The following DVL1 variants were observed in gnomAD, a reference collection of about 807,000 sequenced individuals.
The protein encoded by DVL1 is dishevelled segment polarity protein 1, also known as segment polarity protein dishevelled homolog DVL-1.
Under a neutral mutation model 65.0 loss-of-function variants are expected in DVL1, and 49 were observed. That is an observed-to-expected ratio of 0.75 (90% CI 0.60 to 0.96). The LOEUF (loss-of-function observed/expected upper bound fraction) is 0.96. DVL1 is among the 40% of genes least tolerant of loss of function. DVL1 has a pLI of 0.00. For missense variants in DVL1, 1,197 were observed against 1,045.4 expected, an observed-to-expected ratio of 1.15 and a Z score of -2.00; for synonymous variants, 608 against 433.9, an observed-to-expected ratio of 1.40 and a Z score of -4.99.
chr1:1,342,419 C>G lies in DVL1; in HGVS notation c.306G>C (p.Leu102=), dbSNP rs763325212. Residue 102 remains leucine, a synonymous_variant, in exon 3 of 15, where the codon CTG becomes CTC. Transcript: ENST00000378888. Reference sequence around the variant, plus strand: ...CGCCTGTCCGCTCAAGAGGCGGGGGCAGGTCTGTGTGGCTGTCCGTGCCCT... The same window carrying G: ...CGCCTGTCCGCTCAAGAGGCGGGGGGAGGTCTGTGTGGCTGTCCGTGCCCT... ...GSQGTDSHTD[L]PPPLERTGGI... 1 of 1,594,872 alleles carries G rather than the reference C, an allele frequency of 6.3e-7. No homozygotes were observed. The highest frequency in any genetic ancestry group is 8.5e-7 in the Non-Finnish European group (1 of 1,170,934).
In DVL1 at chr1:1,342,110, T is replaced by C. The variant is rs749925669; in HGVS notation, c.409A>G (p.Thr137Ala). 3 of 1,594,650 alleles carry C rather than the reference T, an allele frequency of 1.9e-6. No homozygotes were observed. Among genetic ancestry groups the C allele is most frequent in the Non-Finnish European group, 1.7e-6 (2 of 1,171,900 alleles). Residue 137 changes from threonine to alanine, a missense_variant, in exon 4 of 15, where the codon ACG (threonine) becomes GCG (alanine). By Grantham distance (58) the Thr-to-Ala change is moderately conservative. Coordinates refer to ENST00000378888, the MANE Select transcript of DVL1 (RefSeq NM_001330311.2). ...SRDGMDNETG[T>A]ESMVSHRRER... ...CGCCGGTGACTGACCATGGACTCCG[T>C]GCCTGTCTCGTTGTCCATCCCGTCA... is the stretch of plus-strand genomic sequence containing the variant.
At chr1:1,339,469 C>G (rs307366) in intron 10 of DVL1, 30 bp from the exon 11 acceptor site, 25 of 1,157,400 alleles carry the variant, frequency 2.2e-5, no homozygotes, top group Non-Finnish European at 3.0e-5. Flanking sequence ...CGATGACAGG[C>G]GGACAGATGG....
chr1:1,347,196 C>T (rs1014848062), intron 1 of DVL1, among the ~76,000 whole-genome samples: 7 of 152,092 alleles, frequency 4.6e-5, no homozygotes, highest in Admixed American at 1.3e-4. Flanking sequence ...ACAGCCCAGC[C>T]CAGCCCAGCC....
At chr1:1,337,868 G>A (rs1557663510) in intron 14 of DVL1, 109 bp downstream of exon 14, 2 of 844,888 alleles carry the variant, frequency 2.4e-6, no homozygotes, top group East Asian at 5.3e-5. Flanking sequence ...GGGTGGAGCT[G>A]GGGGTGGAGC....
At position 1,342,130 on chromosome 1, in the gene DVL1, C is replaced by T; in HGVS notation, c.389G>A (p.Gly130Glu). Residue 130 changes from glycine (G) to glutamate (E), a missense_variant, in exon 4 of 15, where the codon GGG becomes GAG. By Grantham distance (98) the Gly-to-Glu change is moderately conservative (BLOSUM62 -2). Coordinates refer to ENST00000378888, the MANE Select transcript of DVL1 (RefSeq NM_001330311.2). ...CTCCGTGCCTGTCTCGTTGTCCATC[C>T]CGTCACGGCTGCTGGCCACATTTGG... ...FHPNVASSRD[G>E]MDNETGTESM... The T allele has an allele frequency of 6.3e-7, 1 of 1,582,832 alleles. No homozygotes were observed. Among genetic ancestry groups the T allele is most frequent in the South Asian group, 1.2e-5 (1 of 86,688 alleles).
rs763691201 is a variant in DVL1, at chr1:1,338,661, G to A, written c.1208-8C>T. The A allele has an allele frequency of 1.2e-6, 2 of 1,607,080 alleles. No homozygotes were observed. The highest frequency in any genetic ancestry group is 2.2e-5 in the East Asian group (1 of 44,842). ...GCGGCGCCTCTTCCAGCTCTGCAAA[G>A]CACAGACAGCCCCGCTTCAGCCCCA... On this transcript the variant is annotated splice_region_variant and splice_polypyrimidine_tract_variant and intron_variant, in intron 11 of 14. Coordinates refer to ENST00000378888, the MANE Select transcript of DVL1 (RefSeq NM_001330311.2).
chr1:1,336,040 G>A lies in DVL1; in HGVS notation c.*102C>T, dbSNP rs181665524. ...GGTGGTCCAGCCTGCCCCCCACCCT[G>A]CCTCCCGTCCTGGCCCCCACGAAGG... is the stretch of plus-strand genomic sequence containing the variant. On this transcript the variant is annotated 3_prime_UTR_variant, in exon 15 of 15. Coordinates refer to ENST00000378888, the MANE Select transcript of DVL1 (RefSeq NM_001330311.2). 4.2e-3 allele frequency: 6,140 copies of A among 1,449,430 alleles called. 12 individuals are homozygous for A. The highest frequency in any genetic ancestry group is 5.2e-3 in the Non-Finnish European group (5,647 of 1,085,714). The allele number at this position is 1,449,430 out of a possible 1,614,324, so 89.8% of individuals were successfully genotyped here.
chr1:1,336,904 G>T, intron 14 of DVL1: 1 of 799,400 alleles, frequency 1.3e-6, no homozygotes, highest in Non-Finnish European at 1.5e-6. Context: ...CCAGGACCCT[G>T]GCCGACGGAT....
rs1213904561 is a variant in DVL1 at position 1,338,093 on chromosome 1, G to A, written c.1598C>T (p.Pro533Leu). The change falls in exon 14 of 15, where the codon CCT (proline) becomes CTT (leucine). Residue 533 changes from proline to leucine, a missense_variant. Physicochemically the swap from Pro to Leu is moderately conservative, Grantham distance 98. Coordinates refer to ENST00000378888, the MANE Select transcript of DVL1 (RefSeq NM_001330311.2). ...CTGGTAGGGGTAGCCCTGACCCAGA[G>A]GCCAGGGGGCAGCCGGGTGGGGCAG... The part of the protein sequence containing the change: ...APLPHPAAPW[P>L]LGQGYPYQYP... 6 of 1,610,248 alleles carry A rather than the reference G, an allele frequency of 3.7e-6. No homozygotes were observed. Among genetic ancestry groups the A allele is most frequent in the Middle Eastern group, 1.7e-4 (1 of 6,052 alleles).
intron 5 of DVL1, among the ~76,000 whole-genome samples, 173 bp downstream of exon 5, chr1:1,341,494 A>C (rs893402797): frequency 4.0e-5 from 6 of 151,794 alleles, no homozygotes; most frequent in Non-Finnish European, 8.8e-5. Flanking sequence ...CCTCATGTGG[A>C]ACACGTGCAC....
Position 1,340,474 on chromosome 1 carries a change from G to A in DVL1, c.635C>T (p.Ser212Leu). ...TTTGTGCTTCCGGATGAGTCTGGAT[G>A]AGGTGCTCTGCTCCGTGGAGCTGCT... ...RLSSSTEQSTSSRLIRKHKRR... is the reference protein window; with the variant it reads ...RLSSSTEQSTLSRLIRKHKRR... The change falls in exon 6 of 15, where the codon TCA (serine) becomes TTA (leucine). Residue 212 changes from serine to leucine, a missense_variant. Coordinates refer to ENST00000378888, the MANE Select transcript of DVL1 (RefSeq NM_001330311.2). 6.2e-7 allele frequency: 1 copy of A among 1,610,258 alleles called. No individual in the cohort carries two copies. The highest frequency in any genetic ancestry group is 1.1e-5 in the South Asian group (1 of 90,424).
intron 1 of DVL1, among the ~76,000 whole-genome samples, chr1:1,343,857 G>T (rs1643881253): frequency 6.6e-6 from 1 of 152,222 alleles, no homozygotes. Flanking sequence ...GGGCAGCAGG[G>T]GATGCGGAGC....
At chr1:1,342,616 G>A (rs540145493) in intron 2 of DVL1, 73 bp downstream of exon 2, 11 of 1,588,518 alleles carry the variant, frequency 6.9e-6, no homozygotes, top group Admixed American at 1.7e-5. Flanking sequence ...CACACCCACC[G>A]CCTCCCCCAG....
At position 1,339,400 on chromosome 1, in the gene DVL1, G is replaced by C; in HGVS notation, c.1094C>G (p.Ser365Cys). ...GGCTCCTGTCAGTGCCGCCGTGTGG[G>C]ACAGCCAGGCGGCGGGGTCGATGGG... is the stretch of plus-strand genomic sequence containing the variant. ...VRPIDPAAWL[S>C]HTAALTGALP... The change falls in exon 11 of 15, where the codon TCC becomes TGC. Residue 365 changes from serine (S) to cysteine (C), a missense_variant. Physicochemically the swap from Ser to Cys is moderately radical, Grantham distance 112. Coordinates refer to ENST00000378888, the MANE Select transcript of DVL1 (RefSeq NM_001330311.2). 3 of 1,548,860 alleles carry C rather than the reference G, an allele frequency of 1.9e-6. No individual in the cohort carries two copies. The highest frequency in any genetic ancestry group is 1.7e-6 in the Non-Finnish European group (2 of 1,146,640).
At chr1:1,337,588 A>C in intron 14 of DVL1, 2 of 392,756 alleles carry the variant, frequency 5.1e-6, no homozygotes, top group Non-Finnish European at 4.9e-6. Context: ...TCCTGCCTCT[A>C]CCATAGGAGA....
At chr1:1,338,229 T>TGGGCGCCC in intron 13 of DVL1, 40 bp downstream of exon 13, 2 of 1,522,352 alleles carry the variant, frequency 1.3e-6, no homozygotes, top group Non-Finnish European at 1.8e-6. Flanking sequence ...CCTCCGGCGT[T>TGGGCGCCC]CCCCTCCCCC....
At chr1:1,341,990 C>G in intron 4 of DVL1, 63 bp downstream of exon 4, 2 of 1,484,582 alleles carry the variant, frequency 1.3e-6, no homozygotes, top group Non-Finnish European at 9.1e-7. Context: ...GTAGTAGGAA[C>G]ATGGCTCATG....
intron 13 of DVL1, 40 bp downstream of exon 13, chr1:1,338,229 T>TTGGGGC: frequency 2.0e-6 from 3 of 1,522,368 alleles, no homozygotes; most frequent in Non-Finnish European, 2.7e-6. Flanking sequence ...CCTCCGGCGT[T>TTGGGGC]CCCCTCCCCC....
intron 14 of DVL1, 120 bp downstream of exon 14, chr1:1,337,857 G>C (rs906263591): frequency 1.3e-6 from 1 of 791,064 alleles, no homozygotes. Flanking sequence ...GCAGCGGGGT[G>C]GGGTGGAGCT....
Sources: gnomAD v4.1 joint callset for allele counts (sites outside exome capture counted in the v4.1 genomes callset) on GRCh38, gnomAD v4.1.1 for gene constraint, MANE v1.5 for transcripts, NCBI Gene and HGNC (gene_info 2026-07-23, HGNC 2026-07-21) for gene names.